ARID5B: variants seen among roughly 807,000 people sequenced by gnomAD.
ARID5B encodes the protein AT-rich interactive domain-containing protein 5B.
In ARID5B, 13 loss-of-function variants were observed where a neutral mutation model predicts 97.2. That is an observed-to-expected ratio of 0.13 (90% CI 0.09 to 0.21). The LOEUF is 0.21. ARID5B is among the 10% of genes least tolerant of loss of function. The probability of loss-of-function intolerance (pLI) is 1.00; values close to 1 mark genes in which losing one functional copy is unlikely to be tolerated. For missense variants in ARID5B, 1,210 were observed against 1,465.3 expected, an observed-to-expected ratio of 0.83 and a Z score of 2.84; for synonymous variants, 556 against 570.3, an observed-to-expected ratio of 0.97 and a Z score of 0.36.
intron 3 of ARID5B, among the ~76,000 whole-genome samples, chr10:61,994,453 C>T (rs957813562): frequency 2.0e-5 from 3 of 152,050 alleles, no homozygotes; most frequent in African/African-American, 7.2e-5. Context: ...TGCATTTGGC[C>T]GCCATTATCT....
chr10:62,044,450 G>C (rs1839680797), intron 4 of ARID5B, among the ~76,000 whole-genome samples: 1 of 149,950 alleles, frequency 6.7e-6, no homozygotes, highest in African/African-American at 2.5e-5. Context: ...GCACAGTCTA[G>C]GCTCACTGCA....
chr10:62,075,805 A>C (rs1471611997), intron 8 of ARID5B, among the ~76,000 whole-genome samples: 1 of 152,206 alleles, frequency 6.6e-6, no homozygotes, highest in Non-Finnish European at 1.5e-5. Flanking sequence ...CAGTCTATCA[A>C]CACAGCCTAA....
chr10:61,924,889 A>C (rs1228607927), intron 2 of ARID5B, among the ~76,000 whole-genome samples: 1 of 152,164 alleles, frequency 6.6e-6, no homozygotes, highest in Non-Finnish European at 1.5e-5. Context: ...GTACCTGGGC[A>C]GAAGGTCATG....
chr10:61,912,148 T>C (rs1843816342), intron 2 of ARID5B, among the ~76,000 whole-genome samples: 1 of 152,240 alleles, frequency 6.6e-6, no homozygotes, highest in South Asian at 2.1e-4. Flanking sequence ...ATATGTTGTT[T>C]CACAAGCACA....
intron 3 of ARID5B, among the ~76,000 whole-genome samples, chr10:61,979,537 A>T (rs1398936885): frequency 1.3e-5 from 2 of 152,124 alleles, no homozygotes; most frequent in South Asian, 4.1e-4. Context: ...ACTGGTTCCC[A>T]ATTGGAGGTC....
intron 2 of ARID5B, among the ~76,000 whole-genome samples, chr10:61,936,870 A>G (rs1289431065): frequency 6.7e-6 from 1 of 148,938 alleles, no homozygotes; most frequent in Non-Finnish European, 1.5e-5. Context: ...AAAAGAAAGA[A>G]AAAAAAACTT....
At chr10:62,003,391 G>A (rs988395221) in intron 4 of ARID5B, among the ~76,000 whole-genome samples, 4 of 152,124 alleles carry the variant, frequency 2.6e-5, no homozygotes, top group Admixed American at 1.3e-4. Context: ...AAAGCCTCGT[G>A]AAAAAGGCAG....
At chr10:62,003,014 T>C (rs1442442855) in intron 4 of ARID5B, among the ~76,000 whole-genome samples, 1 of 152,220 alleles carries the variant, frequency 6.6e-6, no homozygotes, top group East Asian at 1.9e-4. Flanking sequence ...CTTTGACACA[T>C]GAAATTCATA....
chr10:62,052,321 G>A (rs1008881595), intron 5 of ARID5B, among the ~76,000 whole-genome samples: 7 of 152,146 alleles, frequency 4.6e-5, no homozygotes, highest in South Asian at 2.1e-4. Context: ...GGTTTCCATC[G>A]TCTTGAAGGA....
chr10:61,926,740 C>G (rs1844112160), intron 2 of ARID5B, among the ~76,000 whole-genome samples: 3 of 152,152 alleles, frequency 2.0e-5, no homozygotes, highest in African/African-American at 7.2e-5. Context: ...TCCCAAGTAG[C>G]TGGGACTACA....
At chr10:61,989,749 A>G (rs768754557) in intron 3 of ARID5B, among the ~76,000 whole-genome samples, 22 of 152,172 alleles carry the variant, frequency 1.4e-4, no homozygotes, top group Non-Finnish European at 1.6e-4. Flanking sequence ...GCTTTTCTGA[A>G]TTTAGAGCAT....
intron 2 of ARID5B, among the ~76,000 whole-genome samples, chr10:61,925,186 C>CT (rs1844082104): frequency 2.0e-5 from 3 of 151,890 alleles, no homozygotes; most frequent in East Asian, 3.9e-4. Context: ...GCCTGGGCGA[C>CT]AGAGACTCTG....
chr10:61,909,918 G>C (rs571646884), intron 2 of ARID5B, among the ~76,000 whole-genome samples: 1 of 152,188 alleles, frequency 6.6e-6, no homozygotes, highest in African/African-American at 2.4e-5. Flanking sequence ...TCTCTGTTTC[G>C]TTGTTAATTT....
At chr10:62,034,504 G>A (rs529997045) in intron 4 of ARID5B, among the ~76,000 whole-genome samples, 10 of 152,152 alleles carry the variant, frequency 6.6e-5, no homozygotes, top group Non-Finnish European at 1.0e-4. Flanking sequence ...GGAGCTATGC[G>A]CTTATATAAT....
At chr10:62,036,989 G>C (rs1839573434) in intron 4 of ARID5B, among the ~76,000 whole-genome samples, 1 of 152,154 alleles carries the variant, frequency 6.6e-6, no homozygotes, top group East Asian at 1.9e-4. Flanking sequence ...AGTGATCTTT[G>C]GTTCCAGATT....
intron 8 of ARID5B, among the ~76,000 whole-genome samples, chr10:62,076,597 G>A (rs1162042723): frequency 2.2e-5 from 3 of 134,712 alleles, no homozygotes; most frequent in African/African-American, 7.9e-5. Flanking sequence ...ATAAAAACTA[G>A]TTTTATGTAA....
chr10:62,060,654 A>C lies in ARID5B; in HGVS notation c.1101+1359A>C, dbSNP rs571061967. On this transcript the variant is annotated intron_variant, in intron 7 of 9. Transcript: ENST00000279873. ...TATAGCCCTCATTCATGTAAAAAAA[A>C]ATGGTAACTTATTCAGGGTTAGTCT... Among the ~76,000 whole-genome samples the C allele has an allele frequency of 2.0e-5, 3 of 152,188 alleles. No individual in the cohort carries two copies. The South Asian group carries it at 6.2e-4, about 31-fold the overall frequency.
At chr10:61,966,432 C>CA (rs1228955355) in intron 3 of ARID5B, among the ~76,000 whole-genome samples, 1 of 152,106 alleles carries the variant, frequency 6.6e-6, no homozygotes, top group Non-Finnish European at 1.5e-5. Flanking sequence ...TAAGGAATTG[C>CA]AAAAATTCAA....
intron 4 of ARID5B, among the ~76,000 whole-genome samples, chr10:62,047,912 C>A (rs1433296877): frequency 6.6e-6 from 1 of 152,180 alleles, no homozygotes; most frequent in Non-Finnish European, 1.5e-5. Context: ...AGGCACCTAC[C>A]CAGTCCTTTG....
Sources: gnomAD v4.1 joint callset for allele counts (sites outside exome capture counted in the v4.1 genomes callset) on GRCh38, gnomAD v4.1.1 for gene constraint, MANE v1.5 for transcripts, NCBI Gene and HGNC (gene_info 2026-07-23, HGNC 2026-07-21) for gene names.